Variants in MAGI2 observed in about 807,000 individuals in gnomAD.
The protein encoded by MAGI2 is membrane associated guanylate kinase, WW and PDZ domain containing 2.
In MAGI2, 35 loss-of-function variants were observed where a neutral mutation model predicts 133.3. The observed-to-expected ratio is 0.26, with a 90% CI of 0.20 to 0.35. The LOEUF (loss-of-function observed/expected upper bound fraction) is 0.35, where lower values mean the gene tolerates loss of function less well. MAGI2 is among the 10% of genes least tolerant of loss of function. The pLI, the probability that MAGI2 is intolerant of heterozygous loss-of-function variation, is 1.00. For missense variants in MAGI2, 1,636 were observed against 1,863.4 expected, an observed-to-expected ratio of 0.88 and a Z score of 2.25; for synonymous variants, 729 against 710.6, an observed-to-expected ratio of 1.03 and a Z score of -0.41.
At chr7:78,820,269 G>C (rs1264908597) in intron 2 of MAGI2, among the ~76,000 whole-genome samples, 3 of 151,852 alleles carry the variant, frequency 2.0e-5, no homozygotes, top group Non-Finnish European at 4.4e-5. Context: ...TGAACTTTTA[G>C]GTGGCAGAAG....
chr7:79,243,785 A>G (rs1832608253), intron 1 of MAGI2, among the ~76,000 whole-genome samples: 1 of 152,214 alleles, frequency 6.6e-6, no homozygotes, highest in Non-Finnish European at 1.5e-5. Context: ...CTAAATATGC[A>G]TGTTAAAAAT....
At position 79,058,163 on chromosome 7, in the gene MAGI2, G is replaced by C. The variant is rs111853410; in HGVS notation, c.302-50957C>G. On this transcript the variant is annotated intron_variant, in intron 1 of 21. Transcript: ENST00000354212. Reference sequence around the variant, plus strand: ...CAAGGCAAAAGACCAGGGAAAATGCGATGGGATACAAATTCAAGTCAGAAA... The same window carrying C: ...CAAGGCAAAAGACCAGGGAAAATGCCATGGGATACAAATTCAAGTCAGAAA... 9.8e-3 allele frequency among the ~76,000 whole-genome samples: 1,495 copies of C among 152,086 alleles called. 31 individuals carry two copies. Among genetic ancestry groups the C allele is most frequent in the African/African-American group, 0.034 (1,428 of 41,504 alleles).
At chr7:78,770,687 T>A (rs762144150) in intron 2 of MAGI2, among the ~76,000 whole-genome samples, 1 of 152,144 alleles carries the variant, frequency 6.6e-6, no homozygotes, top group Non-Finnish European at 1.5e-5. Context: ...ATTTGGCAAA[T>A]GAAGTGAGAG....
intron 7 of MAGI2, among the ~76,000 whole-genome samples, chr7:78,363,275 CGAGGTCAG>C (rs1481174826): frequency 6.6e-6 from 1 of 152,112 alleles, no homozygotes; most frequent in Non-Finnish European, 1.5e-5. Flanking sequence ...GGGCGGATCA[CGAGGTCAG>C]GAGATTGAGA....
chr7:78,721,840 C>T lies in MAGI2; in HGVS notation c.419-94601G>A, dbSNP rs1230958340. Among the ~76,000 whole-genome samples, 3 of 151,568 alleles carry T rather than the reference C, an allele frequency of 2.0e-5. No individual in the cohort carries two copies. The East Asian group carries it at 5.8e-4, about 29-fold the overall frequency. On this transcript the variant is annotated intron_variant, in intron 2 of 21. Transcript: ENST00000354212. Reference sequence around the variant, plus strand: ...TAAAAATAATAATTTTTATTTTCTTCAAGAGAAGAGAAAAATGTAAGGTAG... The same window carrying T: ...TAAAAATAATAATTTTTATTTTCTTTAAGAGAAGAGAAAAATGTAAGGTAG...
intron 1 of MAGI2, among the ~76,000 whole-genome samples, chr7:79,445,399 T>G (rs1245005079): frequency 6.6e-6 from 1 of 152,022 alleles, no homozygotes; most frequent in Non-Finnish European, 1.5e-5. Flanking sequence ...TGGGAGAAAA[T>G]TTTTGCAGTC....
chr7:78,959,383 TA>T (rs11364326), intron 2 of MAGI2, among the ~76,000 whole-genome samples: 3,018 of 151,816 alleles, frequency 0.02, 65 homozygotes, highest in African/African-American at 0.063. Flanking sequence ...AAAGGAAAGG[TA>T]AAAAGTATAA....
At chr7:78,220,039 C>T (rs1456936005) in intron 10 of MAGI2, among the ~76,000 whole-genome samples, 2 of 152,120 alleles carry the variant, frequency 1.3e-5, no homozygotes, top group African/African-American at 4.8e-5. Context: ...GTCCAAACTC[C>T]TTATTATACA....
chr7:79,280,066 G>T (rs1196664296), intron 1 of MAGI2, among the ~76,000 whole-genome samples: 10 of 152,066 alleles, frequency 6.6e-5, no homozygotes, highest in Admixed American at 6.5e-4. Context: ...ATCAACCAAT[G>T]TTGAGCAATT....
intron 1 of MAGI2, among the ~76,000 whole-genome samples, chr7:79,078,101 G>A (rs867570411): frequency 3.3e-5 from 5 of 152,124 alleles, no homozygotes; most frequent in African/African-American, 1.2e-4. Flanking sequence ...ATTGTAAGAC[G>A]GAGGATGGGA....
At chr7:78,078,820 A>G (rs755755748) in intron 21 of MAGI2, 127 bp downstream of exon 21, 53 of 848,316 alleles carry the variant, frequency 6.2e-5, no homozygotes, top group Non-Finnish European at 9.0e-5. Flanking sequence ...GTGTATATAT[A>G]TACCTATTGA....
At position 78,783,925 on chromosome 7, in the gene MAGI2, T is replaced by A. The variant is rs867080527; in HGVS notation, c.419-156686A>T. 9.2e-5 allele frequency among the ~76,000 whole-genome samples: 14 copies of A among 152,358 alleles called. 1 individual carries two copies. Among genetic ancestry groups the A allele is most frequent in the Admixed American group, 2.6e-4 (4 of 15,310 alleles). ...ATGTCAAGCTTAGAGACACACATAT[T>A]TTATTTAAAGAATACGGAAACACCC... is the stretch of plus-strand genomic sequence containing the variant. On this transcript the variant is annotated intron_variant, in intron 2 of 21. Transcript: ENST00000354212.
intron 9 of MAGI2, among the ~76,000 whole-genome samples, chr7:78,337,800 G>A (rs1789926583): frequency 6.6e-6 from 1 of 152,130 alleles, no homozygotes; most frequent in African/African-American, 2.4e-5. Flanking sequence ...CCGCTACATT[G>A]TCCAATTAGC....
At chr7:79,226,517 T>G (rs1175620869) in intron 1 of MAGI2, among the ~76,000 whole-genome samples, 1 of 152,156 alleles carries the variant, frequency 6.6e-6, no homozygotes, top group Non-Finnish European at 1.5e-5. Flanking sequence ...ATCTAATAGA[T>G]CTGAAGCTTG....
At chr7:79,241,128 C>T (rs1397820743) in intron 1 of MAGI2, among the ~76,000 whole-genome samples, 1 of 152,130 alleles carries the variant, frequency 6.6e-6, no homozygotes, top group Non-Finnish European at 1.5e-5. Flanking sequence ...CTTGTCCTCT[C>T]TCTACCATCC....
intron 2 of MAGI2, among the ~76,000 whole-genome samples, chr7:78,922,192 T>A (rs890847358): frequency 2.0e-5 from 3 of 151,596 alleles, no homozygotes; most frequent in Non-Finnish European, 4.4e-5. Context: ...GATTATTTCT[T>A]TTTTTTATTA....
chr7:79,124,146 T>C (rs568631127), intron 1 of MAGI2, among the ~76,000 whole-genome samples: 1 of 152,350 alleles, frequency 6.6e-6, no homozygotes, highest in Admixed American at 6.5e-5. Context: ...GATTTATCTC[T>C]AAAGAAATTC....
chr7:78,395,516 G>C (rs1796261907), intron 6 of MAGI2, among the ~76,000 whole-genome samples: 1 of 152,156 alleles, frequency 6.6e-6, no homozygotes, highest in South Asian at 2.1e-4. Flanking sequence ...TGAATAGCAG[G>C]CTGAGGGGGT....
intron 2 of MAGI2, among the ~76,000 whole-genome samples, chr7:78,660,499 C>T (rs1812829955): frequency 6.6e-6 from 1 of 151,884 alleles, no homozygotes; most frequent in Non-Finnish European, 1.5e-5. Context: ...GTGCTAAAAG[C>T]TCAATTAAAT....
Sources: gnomAD v4.1 joint callset for allele counts (sites outside exome capture counted in the v4.1 genomes callset) on GRCh38, gnomAD v4.1.1 for gene constraint, MANE v1.5 for transcripts, NCBI Gene and HGNC (gene_info 2026-07-23, HGNC 2026-07-21) for gene names.